KIRREL1: variants seen among roughly 807,000 people sequenced by gnomAD.
KIRREL1 encodes the protein kin of IRRE-like protein 1.
Under a neutral mutation model 83.3 loss-of-function variants are expected in KIRREL1, and 25 were observed. That is an observed-to-expected ratio of 0.30 (90% CI 0.22 to 0.42). The LOEUF (loss-of-function observed/expected upper bound fraction) is 0.42, where lower values mean the gene tolerates loss of function less well. Ranked by LOEUF, KIRREL1 falls within the 10% of genes least tolerant of loss-of-function variation. The pLI is 1.00. For missense variants in KIRREL1, 812 were observed against 1,032.3 expected, an observed-to-expected ratio of 0.79 and a Z score of 2.92; for synonymous variants, 388 against 410.4, an observed-to-expected ratio of 0.95 and a Z score of 0.66.
At chr1:158,005,534 T>G (rs868212065) in intron 1 of KIRREL1, among the ~76,000 whole-genome samples, 26 of 137,262 alleles carry the variant, frequency 1.9e-4, no homozygotes, top group Middle Eastern at 3.8e-3. Flanking sequence ...TCGGAGCCAG[T>G]CATTTCCACT....
At chr1:158,064,607 G>C (rs534875673) in intron 1 of KIRREL1, among the ~76,000 whole-genome samples, 1 of 152,310 alleles carries the variant, frequency 6.6e-6, no homozygotes, top group Non-Finnish European at 1.5e-5. Flanking sequence ...GGAAGCCTCT[G>C]CTATGTGCTA....
intron 1 of KIRREL1, among the ~76,000 whole-genome samples, chr1:158,054,779 C>T (rs1379192001): frequency 6.6e-6 from 1 of 152,132 alleles, no homozygotes; most frequent in Non-Finnish European, 1.5e-5. Flanking sequence ...ATTCTATCTC[C>T]CTCAATTCTG....
At chr1:158,069,955 CTTTATGAA>C (rs1316297038) in intron 1 of KIRREL1, among the ~76,000 whole-genome samples, 1 of 152,190 alleles carries the variant, frequency 6.6e-6, no homozygotes, top group East Asian at 1.9e-4. Context: ...AAGGTTGGTG[CTTTATGAA>C]TCACCAAAAC....
chr1:158,095,400 G>T lies in KIRREL1; in HGVS notation c.*280G>T. ...ACCCTAGAATGGGGACAGGGAAAGT[G>T]AAGGTTAGGGAAAGCAGAGGGGGGC... On this transcript the variant is annotated 3_prime_UTR_variant, in exon 15 of 15. Coordinates refer to ENST00000359209, the MANE Select transcript of KIRREL1 (RefSeq NM_018240.7). 1 of 361,348 alleles carries T rather than the reference G, an allele frequency of 2.8e-6. No individual in the cohort carries two copies. Among genetic ancestry groups the T allele is most frequent in the Non-Finnish European group, 5.0e-6 (1 of 200,574 alleles). 22.4% of individuals were successfully genotyped at this position (361,348 alleles called of 1,614,324 possible).
At chr1:158,027,739 C>A (rs1042354358) in intron 1 of KIRREL1, among the ~76,000 whole-genome samples, 25 of 152,216 alleles carry the variant, frequency 1.6e-4, no homozygotes, top group Non-Finnish European at 3.4e-4. Context: ...AAAATTAGAT[C>A]AGCTGAAAGC....
At chr1:158,007,991 C>T (rs1377192293) in intron 1 of KIRREL1, among the ~76,000 whole-genome samples, 2 of 152,116 alleles carry the variant, frequency 1.3e-5, no homozygotes, top group Admixed American at 6.5e-5. Flanking sequence ...TTGCTTGGCT[C>T]ACCTCAGGTT....
chr1:158,028,349 T>C (rs1376012490), intron 1 of KIRREL1, among the ~76,000 whole-genome samples: 1 of 152,242 alleles, frequency 6.6e-6, no homozygotes, highest in Non-Finnish European at 1.5e-5. Context: ...GGGGAGTGTG[T>C]AGCTGTGTGA....
intron 1 of KIRREL1, among the ~76,000 whole-genome samples, chr1:158,037,489 CAA>C (rs759200504): frequency 5.5e-4 from 24 of 44,004 alleles, no homozygotes; most frequent in African/African-American, 8.0e-4. Flanking sequence ...AAGACTCTGG[CAA>C]AAAAAAAAAA....
In KIRREL1 at chr1:158,088,035, A is replaced by G; in HGVS notation, c.797A>G (p.Asp266Gly). Residue 266 changes from aspartate (D) to glycine (G), a missense_variant, in exon 7 of 15, where the codon GAC (aspartate) becomes GGC (glycine). Physicochemically the swap from Asp to Gly is moderately conservative, Grantham distance 94. This residue lies in a region of KIRREL1 where 472 missense variants were observed against 626.8 expected (regional missense o/e 0.75). Coordinates refer to ENST00000359209, the MANE Select transcript of KIRREL1 (RefSeq NM_018240.7). ...GCCAAAGGGGGTTTCTTGATTGAAG[A>G]CGCCCACGAGAGTCGCTATGAGACA... ...RWAKGGFLIE[D>G]AHESRYETNV... The G allele has an allele frequency of 6.2e-7, 1 of 1,614,082 alleles. No homozygotes were observed.
In KIRREL1 at chr1:158,099,801, TC is replaced by T. The variant is rs1036221825; in HGVS notation, c.*4687del. On this transcript the variant is annotated 3_prime_UTR_variant, in exon 15 of 15. Transcript: ENST00000359209. ...TGCTTTTGGAGCTCTTCAGATGCTG[TC>T]CCCCCTGAGAATACCCTAACTCTGG... 4.6e-5 allele frequency: 7 copies of T among 151,934 alleles called. No individual in the cohort carries two copies. The highest frequency in any genetic ancestry group is 1.7e-4 in the African/African-American group (7 of 41,326). The allele number at this position is 151,934 out of a possible 1,614,324, so 9.4% of individuals were successfully genotyped here.
At chr1:157,996,456 G>T (rs796604074) in intron 1 of KIRREL1, among the ~76,000 whole-genome samples, 4 of 151,130 alleles carry the variant, frequency 2.6e-5, no homozygotes, top group African/African-American at 9.9e-5. Flanking sequence ...CTGCCTCCGT[G>T]GGGGGGATGG....
At chr1:158,009,974 G>A (rs1343706684) in intron 1 of KIRREL1, among the ~76,000 whole-genome samples, 1 of 152,166 alleles carries the variant, frequency 6.6e-6, no homozygotes, top group African/African-American at 2.4e-5. Context: ...GTCTAGATGT[G>A]GATTTTAGCC....
At chr1:158,047,140 A>G (rs913272786) in intron 1 of KIRREL1, among the ~76,000 whole-genome samples, 2 of 152,228 alleles carry the variant, frequency 1.3e-5, no homozygotes, top group Admixed American at 6.5e-5. Context: ...ACCAATGGCT[A>G]CAAGCTACAA....
intron 1 of KIRREL1, among the ~76,000 whole-genome samples, chr1:158,015,209 T>C (rs978653527): frequency 1.3e-5 from 2 of 152,200 alleles, no homozygotes; most frequent in African/African-American, 4.8e-5. Flanking sequence ...CAGTGTCTCC[T>C]AAGAAACTGT....
intron 8 of KIRREL1, 46 bp from the exon 9 acceptor site, chr1:158,089,456 G>A: frequency 6.2e-7 from 1 of 1,611,984 alleles, no homozygotes; most frequent in South Asian, 1.1e-5. Flanking sequence ...GGACCTAGGG[G>A]CCCAGGCCTC....
intron 1 of KIRREL1, among the ~76,000 whole-genome samples, chr1:158,038,716 A>G (rs1010019312): frequency 5.3e-5 from 8 of 152,120 alleles, no homozygotes; most frequent in Non-Finnish European, 1.0e-4. Flanking sequence ...ACGACTGAAC[A>G]AAAATAGGGT....
At chr1:158,082,326 A>C (rs2101632241) in intron 3 of KIRREL1, among the ~76,000 whole-genome samples, 1 of 152,142 alleles carries the variant, frequency 6.6e-6, no homozygotes, top group East Asian at 1.9e-4. Context: ...CTGATGAAGA[A>C]ACTGAGACTC....
At chr1:158,023,645 C>G (rs1660067305) in intron 1 of KIRREL1, among the ~76,000 whole-genome samples, 2 of 152,154 alleles carry the variant, frequency 1.3e-5, no homozygotes, top group South Asian at 2.1e-4. Flanking sequence ...CTTCTACCAG[C>G]CTTGCCATTA....
In KIRREL1 at chr1:158,086,640, G is replaced by A; in HGVS notation, c.555G>A (p.Leu185=). Residue 185 remains leucine (L), a synonymous_variant, in exon 5 of 15, where the codon CTG becomes CTA. Coordinates refer to ENST00000359209, the MANE Select transcript of KIRREL1 (RefSeq NM_018240.7). ...AGAGGGAGACCACCGTGAGCCAACT[G>A]CTTATTAACCCCACGGACCTGGACA... ...DGKRETTVSQ[L]LINPTDLDIG... The A allele has an allele frequency of 6.4e-7, 1 of 1,552,024 alleles. No individual in the cohort carries two copies. Among genetic ancestry groups the A allele is most frequent in the Non-Finnish European group, 8.7e-7 (1 of 1,147,074 alleles).
Sources: gnomAD v4.1 joint callset for allele counts (sites outside exome capture counted in the v4.1 genomes callset) on GRCh38, gnomAD v4.1.1 for gene constraint, gnomAD v4.1.1 regional missense constraint, MANE v1.5 for transcripts, NCBI Gene and HGNC (gene_info 2026-07-23, HGNC 2026-07-21) for gene names.